Variants in TNS3 observed in about 807,000 individuals in gnomAD.
The protein encoded by TNS3 is tensin-3.
Under a neutral mutation model 140.9 loss-of-function variants are expected in TNS3, and 45 were observed. The ratio of observed to expected loss-of-function variants is 0.32; its 90% confidence interval spans 0.25 to 0.41. TNS3 has a LOEUF of 0.41. Ranked by LOEUF, TNS3 falls within the 10% of genes least tolerant of loss-of-function variation. The pLI is 1.00. For synonymous variants in TNS3, 815 were observed against 788.4 expected (o/e 1.03, Z -0.56); for missense variants, 1,716 against 1,906.7 (o/e 0.90, Z 1.86).
At chr7:47,560,114 GC>G (rs892887897) in intron 1 of TNS3, among the ~76,000 whole-genome samples, 1 of 151,726 alleles carries the variant, frequency 6.6e-6, no homozygotes, top group Non-Finnish European at 1.5e-5. Flanking sequence ...TCTGTGACCC[GC>G]CCCCCTACCC....
rs1357623629 is a variant in TNS3 at position 47,389,010 on chromosome 7, AAG to A, written c.1024+7788_1024+7789del. Among the ~76,000 whole-genome samples the A allele has an allele frequency of 2.1e-3, 4 of 1,864 alleles. 1 individual carries two copies. Among genetic ancestry groups the A allele is most frequent in the Non-Finnish European group, 6.7e-3 (2 of 300 alleles). The allele number at this position is 1,864 out of a possible 152,430, so 1.2% of individuals were successfully genotyped here. ...AGGAAGAAGAAGAAGAAGGAAGAAG[AAG>A]AAGAAGAAGAAGAAGAAGAAGAAGA... On this transcript the variant is annotated intron_variant, in intron 16 of 30. Transcript: ENST00000311160.
intron 27 of TNS3, among the ~76,000 whole-genome samples, chr7:47,285,961 G>T (rs1335373597): frequency 6.6e-6 from 1 of 152,222 alleles, no homozygotes; most frequent in African/African-American, 2.4e-5. Flanking sequence ...CGTCTGCTAT[G>T]ATTAGAACGG....
chr7:47,557,266 C>T (rs1016163509), intron 1 of TNS3: 5 of 398,964 alleles, frequency 1.3e-5, no homozygotes, highest in Non-Finnish European at 2.5e-5. Flanking sequence ...GGTGCAGTCA[C>T]GGGTGATATG....
chr7:47,582,202 C>T (rs1341503651), upstream of TNS3: 3 of 151,800 alleles, frequency 2.0e-5, no homozygotes, highest in Non-Finnish European at 4.4e-5. Context: ...ACGGCCGGCC[C>T]CCGCGCCCGC....
chr7:47,327,515 A>G (rs567538857), intron 20 of TNS3, among the ~76,000 whole-genome samples: 1 of 152,310 alleles, frequency 6.6e-6, no homozygotes, highest in East Asian at 1.9e-4. Context: ...GGGCGGTGAC[A>G]GCCCTGGAAT....
At chr7:47,472,934 G>T (rs1026687085) in intron 4 of TNS3, among the ~76,000 whole-genome samples, 3 of 152,172 alleles carry the variant, frequency 2.0e-5, no homozygotes, top group Admixed American at 6.5e-5. Flanking sequence ...CCAGAGGGGC[G>T]CTGGGTGAGA....
intron 4 of TNS3, among the ~76,000 whole-genome samples, chr7:47,458,638 C>T (rs972066708): frequency 6.6e-6 from 1 of 152,232 alleles, no homozygotes; most frequent in African/African-American, 2.4e-5. Flanking sequence ...CAACCACAGA[C>T]GAAGCCTTCT....
At chr7:47,412,163 G>A (rs1199361987) in intron 12 of TNS3, among the ~76,000 whole-genome samples, 1 of 152,220 alleles carries the variant, frequency 6.6e-6, no homozygotes, top group East Asian at 1.9e-4. Flanking sequence ...TCAGTGCACA[G>A]AGGGCCCAGA....
chr7:47,423,707 C>T (rs1220565201), intron 10 of TNS3, among the ~76,000 whole-genome samples: 1 of 152,228 alleles, frequency 6.6e-6, no homozygotes, highest in Non-Finnish European at 1.5e-5. Context: ...GATCCTGTAG[C>T]CTGCAAAGCC....
At chr7:47,384,106 C>T (rs1394498814) in intron 16 of TNS3, among the ~76,000 whole-genome samples, 2 of 152,234 alleles carry the variant, frequency 1.3e-5, no homozygotes, top group East Asian at 3.8e-4. Flanking sequence ...ACTGTCTCCA[C>T]CGTTTGCTCC....
intron 2 of TNS3, among the ~76,000 whole-genome samples, chr7:47,521,314 A>T (rs974154564): frequency 2.6e-5 from 4 of 151,922 alleles, no homozygotes; most frequent in African/African-American, 9.7e-5. Context: ...AGCCCACTAG[A>T]CTCCGAGCCC....
intron 23 of TNS3, 46 bp downstream of exon 23, chr7:47,302,140 G>T (rs775820297): frequency 4.4e-5 from 67 of 1,511,856 alleles, no homozygotes; most frequent in Non-Finnish European, 6.0e-5. Context: ...CAGCGAAGCG[G>T]GCACTAGGGC....
chr7:47,486,710 A>G (rs1797626964), intron 3 of TNS3, among the ~76,000 whole-genome samples: 1 of 152,162 alleles, frequency 6.6e-6, no homozygotes, highest in African/African-American at 2.4e-5. Flanking sequence ...CTCGTGCTTG[A>G]CCGACATTGT....
In TNS3 at chr7:47,436,096, T is replaced by C. The variant is rs550979572; in HGVS notation, c.202-692A>G. ...TATCTTATGATGAAAGTCGTAGAAATAGTGTAAGACTGTTGGAAATTTCAG... is the reference window on the plus strand; with the variant it reads ...TATCTTATGATGAAAGTCGTAGAAACAGTGTAAGACTGTTGGAAATTTCAG... On this transcript the variant is annotated intron_variant, in intron 7 of 30. Transcript: ENST00000311160. Among the ~76,000 whole-genome samples, 5 of 152,224 alleles carry C rather than the reference T, an allele frequency of 3.3e-5. No individual in the cohort carries two copies. The South Asian group carries it at 1.0e-3, about 32-fold the overall frequency.
intron 2 of TNS3, among the ~76,000 whole-genome samples, chr7:47,515,121 T>C (rs1798736766): frequency 6.6e-6 from 1 of 152,206 alleles, no homozygotes; most frequent in Non-Finnish European, 1.5e-5. Flanking sequence ...AGAGTAGAGA[T>C]AACAGGGCCC....
At chr7:47,556,273 G>A (rs1348658479) in intron 1 of TNS3, among the ~76,000 whole-genome samples, 1 of 152,114 alleles carries the variant, frequency 6.6e-6, no homozygotes, top group African/African-American at 2.4e-5. Flanking sequence ...ATCAAAACGT[G>A]ATTTTTAAAA....
intron 20 of TNS3, among the ~76,000 whole-genome samples, chr7:47,315,836 G>A (rs537400619): frequency 5.3e-5 from 8 of 152,206 alleles, no homozygotes; most frequent in Non-Finnish European, 1.0e-4. Flanking sequence ...AATTTCCCGT[G>A]TTCCTGATAA....
intron 3 of TNS3, among the ~76,000 whole-genome samples, chr7:47,494,351 G>A (rs930594787): frequency 2.0e-5 from 3 of 150,836 alleles, no homozygotes; most frequent in East Asian, 3.9e-4. Context: ...AACCTCCTGA[G>A]GTTCAATCGA....
intron 3 of TNS3, among the ~76,000 whole-genome samples, chr7:47,506,663 G>A (rs562296853): frequency 2.0e-5 from 3 of 152,036 alleles, no homozygotes; most frequent in East Asian, 1.9e-4. Flanking sequence ...GTGGCCAGGG[G>A]ACAACTATTG....
Sources: gnomAD v4.1 joint callset for allele counts (sites outside exome capture counted in the v4.1 genomes callset) on GRCh38, gnomAD v4.1.1 for gene constraint, MANE v1.5 for transcripts, NCBI Gene and HGNC (gene_info 2026-07-23, HGNC 2026-07-21) for gene names.